Variants in GAS7 observed in about 807,000 individuals in gnomAD.
GAS7 encodes the protein growth arrest specific 7.
A neutral mutation model predicts 71.1 loss-of-function variants in GAS7; 28 were observed. The observed-to-expected ratio is 0.39, with a 90% CI of 0.29 to 0.54. GAS7 has a LOEUF of 0.54. Among genes scored for constraint, GAS7 ranks in the 20% least tolerant of loss-of-function variants. The pLI is 0.62. For missense variants in GAS7, 436 were observed against 627.8 expected (o/e 0.69, Z 3.27); for synonymous variants, 258 against 245.8 (o/e 1.05, Z -0.46).
At chr17:10,021,025 A>G (rs1327556537) in intron 1 of GAS7, among the ~76,000 whole-genome samples, 1 of 152,316 alleles carries the variant, frequency 6.6e-6, no homozygotes, top group South Asian at 2.1e-4. Context: ...TGTTCCCCCT[A>G]AATTTTCTCC....
chr17:10,069,344 C>G (rs2073316262), intron 1 of GAS7, among the ~76,000 whole-genome samples: 2 of 152,228 alleles, frequency 1.3e-5, no homozygotes, highest in Non-Finnish European at 2.9e-5. Context: ...GCCTCTCAAA[C>G]ACTTGTGCGG....
intron 1 of GAS7, among the ~76,000 whole-genome samples, chr17:10,119,275 G>A (rs1276860720): frequency 6.6e-6 from 1 of 152,206 alleles, no homozygotes; most frequent in Non-Finnish European, 1.5e-5. Flanking sequence ...GAGAGTTCAA[G>A]ATGTTACCCT....
chr17:9,986,082 C>T (rs1452451733), intron 2 of GAS7, among the ~76,000 whole-genome samples: 3 of 152,314 alleles, frequency 2.0e-5, no homozygotes, highest in South Asian at 2.1e-4. Context: ...GTCGAAGCCA[C>T]GGCTGGTTCG....
At chr17:10,059,877 C>A (rs2073199931) in intron 1 of GAS7, 1 of 869,024 alleles carries the variant, frequency 1.2e-6, no homozygotes, top group South Asian at 5.3e-5. Flanking sequence ...GGCAACCAAA[C>A]AAATGATATT....
chr17:10,076,207 TGGGAGG>T (rs138223022), intron 1 of GAS7, among the ~76,000 whole-genome samples: 17,119 of 35,384 alleles, frequency 0.48, 4,428 homozygotes, highest in Non-Finnish European at 0.5. Context: ...GAGGGAGAAG[TGGGAGG>T]GGGAGGGGGA....
chr17:10,185,272 A>G (rs1238058893), intron 1 of GAS7, among the ~76,000 whole-genome samples: 1 of 152,192 alleles, frequency 6.6e-6, no homozygotes, highest in African/African-American at 2.4e-5. Flanking sequence ...GTTGCTGAAC[A>G]CATGGAGGTG....
At position 9,917,927 on chromosome 17, in the gene GAS7, T is replaced by C. The variant is rs2067643075; in HGVS notation, c.1317+74A>G. On this transcript the variant is annotated intron_variant, in intron 13 of 13. Transcript: ENST00000432992. Reference sequence around the variant, plus strand: ...ATTCACTTGCAGCAGCCACTTAACCTGCCACGGCCTAGCGCCAGGCGGCTC... The same window carrying C: ...ATTCACTTGCAGCAGCCACTTAACCCGCCACGGCCTAGCGCCAGGCGGCTC... 3.8e-6 allele frequency: 4 copies of C among 1,057,318 alleles called. No homozygotes were observed. The South Asian group carries it at 5.6e-5, about 15-fold the overall frequency. 65.5% of individuals were successfully genotyped at this position (1,057,318 alleles called of 1,614,324 possible). A position where few individuals can be genotyped will look rare whatever the true frequency, so the allele number is the denominator to read the frequency against.
intron 1 of GAS7, among the ~76,000 whole-genome samples, chr17:10,058,981 C>T (rs1000374909): frequency 6.6e-6 from 1 of 152,232 alleles, no homozygotes; most frequent in Non-Finnish European, 1.5e-5. Flanking sequence ...CTTGCAAAAC[C>T]AGAAAGGAAC....
chr17:9,951,439 C>T (rs111419926), intron 5 of GAS7, among the ~76,000 whole-genome samples: 1,570 of 151,732 alleles, frequency 0.01, 16 homozygotes, highest in African/African-American at 0.033. Flanking sequence ...GCCCTCTTGT[C>T]GGGGAAACAC....
At chr17:10,069,077 C>T (rs951804308) in intron 1 of GAS7, among the ~76,000 whole-genome samples, 38 of 152,090 alleles carry the variant, frequency 2.5e-4, no homozygotes, top group African/African-American at 9.2e-4. Context: ...CAGCACAAAC[C>T]GTATTACTCA....
chr17:9,979,690 C>T (rs560882254), intron 3 of GAS7, among the ~76,000 whole-genome samples: 7 of 152,284 alleles, frequency 4.6e-5, no homozygotes, highest in Non-Finnish European at 8.8e-5. Context: ...GTCACACGTG[C>T]TGTCTCTACA....
chr17:9,998,468 CG>C (rs1437243137), intron 2 of GAS7, among the ~76,000 whole-genome samples: 1 of 151,570 alleles, frequency 6.6e-6, no homozygotes, highest in Non-Finnish European at 1.5e-5. Context: ...GGCAAGACTG[CG>C]GAGAGAAAGA....
chr17:9,928,834 C>T (rs1472095854), intron 9 of GAS7, among the ~76,000 whole-genome samples: 1 of 152,164 alleles, frequency 6.6e-6, no homozygotes, highest in Non-Finnish European at 1.5e-5. Flanking sequence ...GGTGGGTGCC[C>T]CTTCTGTGTT....
At position 10,165,235 on chromosome 17, in the gene GAS7, T is replaced by G. The variant is rs1288652556; in HGVS notation, c.183+32973A>C. On this transcript the variant is annotated intron_variant, in intron 1 of 13. Transcript: ENST00000432992. ...TGAACCCGGGAGGCAGAGCTTGCAG[T>G]GAGCAGAAATCACACCACTGCACTC... is the stretch of plus-strand genomic sequence containing the variant. Among the ~76,000 whole-genome samples the G allele has an allele frequency of 2.9e-5, 4 of 138,010 alleles. No homozygotes were observed. In the East Asian group the frequency reaches 8.5e-4, roughly 29 times the overall value. The allele number at this position is 138,010 out of a possible 152,430, so 90.5% of individuals were successfully genotyped here. A position where few individuals can be genotyped will look rare whatever the true frequency, so the allele number is the denominator to read the frequency against.
At position 9,981,377 on chromosome 17, in the gene GAS7, C is replaced by A. The variant is rs1476229766; in HGVS notation, c.385+427G>T. Among the ~76,000 whole-genome samples the A allele has an allele frequency of 6.6e-6, 1 of 152,106 alleles. No individual in the cohort carries two copies. The highest frequency in any genetic ancestry group is 1.5e-5 in the Non-Finnish European group (1 of 68,032). On this transcript the variant is annotated intron_variant, in intron 3 of 13. Coordinates refer to ENST00000432992, the MANE Select transcript of GAS7 (RefSeq NM_201433.2). The surrounding 1 kb of genome is among the most constrained non-coding windows in gnomAD (Gnocchi z 4.4). ...CCTTTGCAGATGGGGAACTCACACCCTCAAAAGGTCTCCCTCACACTGTTT... is the reference window on the plus strand; with the variant it reads ...CCTTTGCAGATGGGGAACTCACACCATCAAAAGGTCTCCCTCACACTGTTT...
At chr17:9,930,482 T>C (rs1049493240) in intron 9 of GAS7, among the ~76,000 whole-genome samples, 2 of 152,360 alleles carry the variant, frequency 1.3e-5, no homozygotes, top group Non-Finnish European at 2.9e-5. Flanking sequence ...GCAGAGCCTC[T>C]ACCGCATGAG....
chr17:10,050,168 G>A (rs979808954), intron 1 of GAS7, among the ~76,000 whole-genome samples: 5 of 152,016 alleles, frequency 3.3e-5, no homozygotes, highest in Admixed American at 6.5e-5. Context: ...ATTTAAACAA[G>A]TCCAATAAAA....
chr17:10,142,427 G>A (rs1286716623), intron 1 of GAS7, among the ~76,000 whole-genome samples: 1 of 152,104 alleles, frequency 6.6e-6, no homozygotes, highest in Non-Finnish European at 1.5e-5. Flanking sequence ...GGAGTGCAGT[G>A]GCACGATCTT....
intron 1 of GAS7, among the ~76,000 whole-genome samples, chr17:10,141,987 G>GA (rs1005719162): frequency 5.0e-3 from 12 of 2,404 alleles, no homozygotes; most frequent in African/African-American, 7.8e-3. Context: ...CCAGCACTTT[G>GA]GGGGGCCGAG....
Sources: gnomAD v4.1 joint callset for allele counts (sites outside exome capture counted in the v4.1 genomes callset) on GRCh38, gnomAD v4.1.1 for gene constraint, Gnocchi (gnomAD v3.1) non-coding constraint, MANE v1.5 for transcripts, NCBI Gene and HGNC (gene_info 2026-07-23, HGNC 2026-07-21) for gene names.